Variants in INTS6 observed in about 807,000 individuals in gnomAD.
INTS6 encodes the protein integrator complex subunit 6, also known as DEAD box protein.
A neutral mutation model predicts 104.9 loss-of-function variants in INTS6; 16 were observed. That is an observed-to-expected ratio of 0.15 (90% confidence interval 0.10 to 0.23). The LOEUF is 0.23. INTS6 is among the 10% of genes least tolerant of loss of function. The pLI, the probability that INTS6 is intolerant of heterozygous loss-of-function variation, is 1.00. For synonymous variants in INTS6, 324 were observed against 358.7 expected (o/e 0.90, Z 1.09); for missense variants, 584 against 1,062.8 (o/e 0.55, Z 6.26).
At chr13:51,350,502 T>C (rs1387400417), downstream of INTS6, among the ~76,000 whole-genome samples, 2 of 152,176 alleles carry the variant, frequency 1.3e-5, no homozygotes, top group Non-Finnish European at 2.9e-5. Flanking sequence ...GTTTTGATAT[T>C]AGATATAATA....
chr13:51,347,013 T>G, the INTS6 span: 2 of 1,563,218 alleles, frequency 1.3e-6, no homozygotes, highest in Non-Finnish European at 1.7e-6. Context: ...CACCTTGCTT[T>G]CCTGCTTGCA....
At chr13:51,424,879 C>T (rs7333661) in intron 4 of INTS6, among the ~76,000 whole-genome samples, 32,332 of 151,690 alleles carry the variant, frequency 0.21, 3,528 homozygotes, top group South Asian at 0.34. Context: ...CAGATCTTTT[C>T]AAAAAAGAGA....
intron 4 of INTS6, among the ~76,000 whole-genome samples, chr13:51,409,284 T>G (rs1163720649): frequency 2.1e-5 from 3 of 146,032 alleles, no homozygotes; most frequent in Admixed American, 6.9e-5. Context: ...ATAATAATAA[T>G]AATAATAATA....
chr13:51,447,733 G>GACAA (rs1555292458), intron 3 of INTS6: 1 of 55,462 alleles, frequency 1.8e-5, no homozygotes, highest in African/African-American at 7.4e-5. Flanking sequence ...ATAATTTACT[G>GACAA]AAAAAAAAAA....
intron 4 of INTS6, among the ~76,000 whole-genome samples, chr13:51,404,103 C>CACACACACAG (rs1491389220): frequency 0.021 from 2,222 of 103,766 alleles, 35 homozygotes; most frequent in East Asian, 0.036. Context: ...CACACACACA[C>CACACACACAG]AGAGAGAGAG....
chr13:51,384,554 C>A, intron 7 of INTS6: 2 of 449,632 alleles, frequency 4.4e-6, no homozygotes, highest in South Asian at 1.6e-5. Context: ...TATCTAACTA[C>A]CCACTAGACA....
At position 51,378,311 on chromosome 13, in the gene INTS6, C is replaced by G. The variant is rs777618022; in HGVS notation, c.1530G>C (p.Glu510Asp). The G allele has an allele frequency of 6.2e-7, 1 of 1,613,510 alleles. No homozygotes were observed. Among genetic ancestry groups the G allele is most frequent in the Admixed American group, 1.7e-5 (1 of 60,004 alleles). The change falls in exon 12 of 18, where the codon GAG (glutamate) becomes GAC (aspartate). Residue 510 changes from glutamate (E) to aspartate (D), a missense_variant. Physicochemically the swap from Glu to Asp is conservative, Grantham distance 45 (BLOSUM62 2). Coordinates refer to ENST00000311234, the MANE Select transcript of INTS6 (RefSeq NM_012141.3). Reference sequence around the variant, plus strand: ...GGTCTAGCAGTCTGTGAGGGACATCCTCTGAAATTCCCTGGAGGAGTTGTT... The same window carrying G: ...GGTCTAGCAGTCTGTGAGGGACATCGTCTGAAATTCCCTGGAGGAGTTGTT... ...DFQQLLQGIS[E>D]DVPHRLLDLN...
Position 51,362,248 on chromosome 13 carries a change from T to C in INTS6, c.*3504A>G, listed in dbSNP as rs1261216166. The C allele has an allele frequency of 2.4e-6, 1 of 414,130 alleles. No homozygotes were observed. Among genetic ancestry groups the C allele is most frequent in the Non-Finnish European group, 4.1e-6 (1 of 244,932 alleles). 25.7% of individuals were successfully genotyped at this position (414,130 alleles called of 1,614,324 possible). A position where few individuals can be genotyped will look rare whatever the true frequency, so the allele number is the denominator to read the frequency against. On this transcript the variant is annotated 3_prime_UTR_variant, in exon 18 of 18. Coordinates refer to ENST00000311234, the MANE Select transcript of INTS6 (RefSeq NM_012141.3). The stretch of plus-strand genomic sequence containing the variant: ...TTTTCCCTTTGTCCCCTAGCTTTCT[T>C]ATCATTTTAGAGTTTTTTCAGGTCA...
intron 3 of INTS6, chr13:51,437,239 T>C (rs1952707755): frequency 6.6e-6 from 1 of 152,154 alleles, no homozygotes; most frequent in South Asian, 2.1e-4. Context: ...CTAAAAGAAA[T>C]CTGTCTAGTC....
chr13:51,389,239 A>G, intron 6 of INTS6, 80 bp downstream of exon 6: 1 of 1,502,118 alleles, frequency 6.7e-7, no homozygotes, highest in Non-Finnish European at 9.0e-7. Context: ...TCTTAAGGCC[A>G]AATCACAGTA....
chr13:51,443,547 T>TTC (rs1952836763), intron 3 of INTS6: 2 of 152,140 alleles, frequency 1.3e-5, no homozygotes, highest in African/African-American at 4.8e-5. Context: ...TAAACAAAAA[T>TTC]AAAGTTTATA....
intron 14 of INTS6, 62 bp downstream of exon 14, chr13:51,374,592 G>A (rs1322603412): frequency 6.3e-7 from 1 of 1,578,212 alleles, no homozygotes; most frequent in East Asian, 2.2e-5. Flanking sequence ...GTTAAATTAA[G>A]AACTATAAAA....
chr13:51,342,972 A>G, the INTS6 span, among the ~76,000 whole-genome samples: 3 of 152,142 alleles, frequency 2.0e-5, no homozygotes, highest in Non-Finnish European at 1.5e-5. Flanking sequence ...TAGTGAACAT[A>G]TTGTGGACAA....
intron 4 of INTS6, among the ~76,000 whole-genome samples, chr13:51,422,382 T>A (rs1197666248): frequency 6.6e-6 from 1 of 152,188 alleles, no homozygotes; most frequent in African/African-American, 2.4e-5. Context: ...ATGGACAATG[T>A]GTAGACAGGA....
At position 51,440,305 on chromosome 13, in the gene INTS6, A is replaced by G. The variant is rs1952771183; in HGVS notation, c.340-9922T>C. ...CAATTTTAAAAATAGAAAAAAGCTT[A>G]CAGAATAAGGATATAAATATTTTAT... On this transcript the variant is annotated intron_variant, in intron 3 of 17. Transcript: ENST00000311234. The G allele has an allele frequency of 2.0e-5, 3 of 152,102 alleles. No individual in the cohort carries two copies. The South Asian group carries it at 6.2e-4, about 31-fold the overall frequency. 9.4% of individuals were successfully genotyped at this position (152,102 alleles called of 1,614,324 possible).
At chr13:51,447,578 ACATAGTAGGAAAGGTGC>A (rs1476757537) in intron 3 of INTS6, 1 of 152,084 alleles carries the variant, frequency 6.6e-6, no homozygotes, top group African/African-American at 2.4e-5. Flanking sequence ...CACCAAGGGC[ACATAGTAGGAAAGGTGC>A]CATTCTAACT....
Position 51,452,386 on chromosome 13 carries a change from G to GTCGCCGCCCGGGC in INTS6, c.111+16_111+28dup, listed in dbSNP as rs754558699. 2.0e-6 allele frequency: 3 copies of GTCGCCGCCCGGGC among 1,532,074 alleles called. No individual in the cohort carries two copies. Among genetic ancestry groups the GTCGCCGCCCGGGC allele is most frequent in the African/African-American group, 2.9e-5 (2 of 69,338 alleles). 94.9% of individuals were successfully genotyped at this position (1,532,074 alleles called of 1,614,324 possible). A position where few individuals can be genotyped will look rare whatever the true frequency, so the allele number is the denominator to read the frequency against. The stretch of plus-strand genomic sequence containing the variant: ...GCCGCCCGCGGGCCGCCGGGCCGGG[G>GTCGCCGCCCGGGC]TCGCCGCCCGGGCTCGGTCAGTCGG... On this transcript the variant is annotated intron_variant, in intron 1 of 17. Coordinates refer to ENST00000311234, the MANE Select transcript of INTS6 (RefSeq NM_012141.3). The surrounding 1 kb of genome is among the most constrained non-coding windows in gnomAD (Gnocchi z 4.2).
chr13:51,359,448 G>T (rs1955528672), downstream of INTS6, among the ~76,000 whole-genome samples: 1 of 152,070 alleles, frequency 6.6e-6, no homozygotes, highest in Non-Finnish European at 1.5e-5. Flanking sequence ...GTTTATGGCT[G>T]TGCAAACATA....
At chr13:51,418,292 A>G (rs967720808) in intron 4 of INTS6, among the ~76,000 whole-genome samples, 1 of 152,172 alleles carries the variant, frequency 6.6e-6, no homozygotes, top group African/African-American at 2.4e-5. Flanking sequence ...TTCATTTCCT[A>G]TAACTGTTAA....
Sources: gnomAD v4.1 joint callset for allele counts (sites outside exome capture counted in the v4.1 genomes callset) on GRCh38, gnomAD v4.1.1 for gene constraint, Gnocchi (gnomAD v3.1) non-coding constraint, MANE v1.5 for transcripts, NCBI Gene and HGNC (gene_info 2026-07-23, HGNC 2026-07-21) for gene names.